DST: variants seen among roughly 807,000 people sequenced by gnomAD.
DST encodes bullous pemphigoid antigen.
Under a neutral mutation model 875.2 loss-of-function variants are expected in DST, and 253 were observed. The ratio of observed to expected loss-of-function variants is 0.29; its 90% CI spans 0.26 to 0.32. The LOEUF is 0.32. Ranked by LOEUF, DST falls within the 10% of genes least tolerant of loss-of-function variation. The pLI is 1.00. For missense variants in DST, 8,287 were observed against 9,111.6 expected, an observed-to-expected ratio of 0.91 and a Z score of 3.68; for synonymous variants, 3,124 against 3,197.1, an observed-to-expected ratio of 0.98 and a Z score of 0.77.
At chr6:56,831,305 G>A (rs1419551106) in intron 4 of DST, among the ~76,000 whole-genome samples, 1 of 152,174 alleles carries the variant, frequency 6.6e-6, no homozygotes, top group Non-Finnish European at 1.5e-5. Flanking sequence ...CACCGGTTAT[G>A]TATAAGCAAA....
Position 56,625,032 on chromosome 6 carries a change from A to C in DST, c.4830+125T>G. The C allele has an allele frequency of 5.4e-6, 4 of 740,236 alleles. No individual in the cohort carries two copies. The South Asian group carries it at 5.9e-5, about 11-fold the overall frequency. The allele number at this position is 740,236 out of a possible 1,614,324, so 45.9% of individuals were successfully genotyped here. A position where few individuals can be genotyped will look rare whatever the true frequency, so the allele number is the denominator to read the frequency against. On this transcript the variant is annotated intron_variant, in intron 35 of 103. Coordinates refer to ENST00000680361, the MANE Select transcript of DST (RefSeq NM_001374736.1). The stretch of plus-strand genomic sequence containing the variant: ...ATACTGCAATGTCATTAAACTGTAC[A>C]TTTAAAATTGTTAAAATAGTAAGTT...
intron 2 of DST, among the ~76,000 whole-genome samples, chr6:56,952,017 T>A (rs1822612101): frequency 1.3e-5 from 2 of 152,254 alleles, no homozygotes; most frequent in African/African-American, 4.8e-5. Flanking sequence ...AATAACCCAC[T>A]GTATACAAGG....
At chr6:56,748,536 C>G (rs1231396417) in intron 4 of DST, among the ~76,000 whole-genome samples, 1 of 152,164 alleles carries the variant, frequency 6.6e-6, no homozygotes, top group Non-Finnish European at 1.5e-5. Context: ...GTAGTAGGCT[C>G]TCAAGAAATA....
At position 56,607,672 on chromosome 6, in the gene DST, G is replaced by A; in HGVS notation, c.6956C>T (p.Ser2319Leu). 6.2e-7 allele frequency: 1 copy of A among 1,613,130 alleles called. No homozygotes were observed. The highest frequency in any genetic ancestry group is 1.1e-5 in the South Asian group (1 of 91,048). ...NTVINSEFSQ[S>L]GKLASTISID... ...TGATATTGTACTTGCCAGTTTTCCT[G>A]ACTGAGAAAATTCACTATTGATAAC... Residue 2319 changes from serine (S) to leucine (L), a missense_variant, in exon 40 of 104, where the codon TCA (serine) becomes TTA (leucine). This residue lies in a region of DST where 3,138 missense variants were observed against 3,116.6 expected (regional missense o/e 1.01). Coordinates refer to ENST00000680361, the MANE Select transcript of DST (RefSeq NM_001374736.1).
At position 56,619,229 on chromosome 6, in the gene DST, A is replaced by C. The variant is rs1487307181; in HGVS notation, c.4930-4745T>G. 3 of 1,613,618 alleles carry C rather than the reference A, an allele frequency of 1.9e-6. No homozygotes were observed. Among genetic ancestry groups the C allele is most frequent in the Non-Finnish European group, 2.5e-6 (3 of 1,179,974 alleles). The stretch of plus-strand genomic sequence containing the variant: ...TCTTTGCTGGATAGTTTGTTTCTCT[A>C]AAACTATATTCTCTGATTCTGCCTG... On this transcript the variant is annotated intron_variant, in intron 36 of 103. Transcript: ENST00000680361.
At chr6:56,654,169 G>A (rs2098991338) in intron 10 of DST, among the ~76,000 whole-genome samples, 1 of 151,702 alleles carries the variant, frequency 6.6e-6, no homozygotes, top group African/African-American at 2.4e-5. Context: ...AGTAATAAAT[G>A]CTAGTCTTTT....
At chr6:56,623,499 T>C (rs1159579334) in intron 36 of DST, among the ~76,000 whole-genome samples, 1 of 152,186 alleles carries the variant, frequency 6.6e-6, no homozygotes, top group Admixed American at 6.5e-5. Flanking sequence ...CAATTAGCTA[T>C]GTTAGTGATT....
chr6:56,604,761 C>T lies in DST; in HGVS notation c.9867G>A (p.Leu3289=). 6.2e-7 allele frequency: 1 copy of T among 1,612,768 alleles called. No homozygotes were observed. Among genetic ancestry groups the T allele is most frequent in the Non-Finnish European group, 8.5e-7 (1 of 1,179,168 alleles). Residue 3289 remains leucine, a synonymous_variant, in exon 40 of 104, where the codon CTG becomes CTA. Transcript: ENST00000680361. Reference sequence around the variant, plus strand: ...ATCCATTTGCACACCGCTCCGACTGCAGAAAATCATTTTTCCCAACATCTT... The same window carrying T: ...ATCCATTTGCACACCGCTCCGACTGTAGAAAATCATTTTTCCCAACATCTT... ...HVEDVGKNDF[L]QSERCANGLG...
At chr6:56,820,041 T>A (rs2099771228) in intron 4 of DST, among the ~76,000 whole-genome samples, 1 of 152,234 alleles carries the variant, frequency 6.6e-6, no homozygotes, top group Non-Finnish European at 1.5e-5. Context: ...CATTCAAGAA[T>A]ATCTGTAACC....
At chr6:56,697,887 C>T (rs1165546064) in intron 9 of DST, among the ~76,000 whole-genome samples, 2 of 152,176 alleles carry the variant, frequency 1.3e-5, no homozygotes, top group South Asian at 2.1e-4. Flanking sequence ...ATGAAATCAA[C>T]TTTTTGGCCA....
chr6:56,944,288 T>G (rs531147078), intron 2 of DST, among the ~76,000 whole-genome samples: 1 of 152,302 alleles, frequency 6.6e-6, no homozygotes, highest in African/African-American at 2.4e-5. Context: ...TTTACTGAGC[T>G]TCACTATGTG....
chr6:56,555,246 G>C, intron 60 of DST, 99 bp downstream of exon 60: 1 of 1,325,102 alleles, frequency 7.5e-7, no homozygotes, highest in Non-Finnish European at 1.0e-6. Context: ...GTGGGGCAGA[G>C]TCTCTTTGGG....
chr6:56,900,829 G>C (rs1793702452), intron 2 of DST, among the ~76,000 whole-genome samples: 1 of 147,622 alleles, frequency 6.8e-6, no homozygotes, highest in African/African-American at 2.5e-5. Context: ...TCAGGGCCCA[G>C]AGTTATTCTA....
chr6:56,722,116 CA>C (rs753991419), intron 5 of DST, among the ~76,000 whole-genome samples: 44 of 141,756 alleles, frequency 3.1e-4, no homozygotes, highest in Admixed American at 2.8e-4. Flanking sequence ...GGGACATTAA[CA>C]AAAAAAAAAA....
chr6:56,812,110 AAAAGAAAAGAAAAG>A (rs376824188), intron 4 of DST, among the ~76,000 whole-genome samples: 21,225 of 59,144 alleles, frequency 0.36, 1,830 homozygotes, highest in Non-Finnish European at 0.39. Flanking sequence ...TCAAAAAAAA[AAAAGAAAAGAAAAG>A]AAAAGAAAAG....
rs1246095314 is a variant in DST at position 56,562,203 on chromosome 6, G to A, written c.14006-3C>T. The A allele has an allele frequency of 4.6e-6, 7 of 1,525,042 alleles. No individual in the cohort carries two copies. Among genetic ancestry groups the A allele is most frequent in the South Asian group, 2.6e-5 (2 of 76,686 alleles). 94.5% of individuals were successfully genotyped at this position (1,525,042 alleles called of 1,614,324 possible). A position where few individuals can be genotyped will look rare whatever the true frequency, so the allele number is the denominator to read the frequency against. ...TTCACCATTTAATACTGCTCCACCT[G>A]CAAAAATAGTAACACTAAAATAATC... On this transcript the variant is annotated splice_region_variant and splice_polypyrimidine_tract_variant and intron_variant, in intron 55 of 103. Transcript: ENST00000680361.
At chr6:56,822,542 AT>A (rs1369554117) in intron 4 of DST, among the ~76,000 whole-genome samples, 4 of 152,328 alleles carry the variant, frequency 2.6e-5, no homozygotes, top group African/African-American at 9.6e-5. Flanking sequence ...AAGAAACTGT[AT>A]GAAGCCAGGT....
chr6:56,547,164 T>C (rs1341472670), intron 61 of DST, among the ~76,000 whole-genome samples: 1 of 152,158 alleles, frequency 6.6e-6, no homozygotes, highest in East Asian at 1.9e-4. Flanking sequence ...GGTATATTCC[T>C]TGTATCATGT....
Position 56,924,114 on chromosome 6 carries a change from C to A in DST, c.217-23493G>T, listed in dbSNP as rs546242077. On this transcript the variant is annotated intron_variant, in intron 2 of 103. Coordinates refer to ENST00000680361, the MANE Select transcript of DST (RefSeq NM_001374736.1). ...TCTCCAGCCCGGGCGATAGAGCAAG[C>A]CACCATCTCAAAAAAAAACCCTCCC... Among the ~76,000 whole-genome samples, 4 of 152,120 alleles carry A rather than the reference C, an allele frequency of 2.6e-5. No homozygotes were observed. In the South Asian group the frequency reaches 6.2e-4, roughly 24 times the overall value.
Sources: allele counts gnomAD v4.1 joint callset (sites outside exome capture counted in the v4.1 genomes callset), GRCh38; gene constraint gnomAD v4.1.1; regional missense constraint gnomAD v4.1.1; transcripts MANE v1.5; gene names NCBI Gene and HGNC (gene_info 2026-07-23, HGNC 2026-07-21).